Variants in HDAC4 observed in about 807,000 individuals in gnomAD.
HDAC4 encodes the protein histone deacetylase A.
In HDAC4, 16 loss-of-function variants were observed where a neutral mutation model predicts 135.1. That is an observed-to-expected ratio of 0.12 (90% CI 0.08 to 0.18). The LOEUF (loss-of-function observed/expected upper bound fraction) is 0.18, where lower values mean the gene tolerates loss of function less well. Ranked by LOEUF, HDAC4 falls within the 10% of genes least tolerant of loss-of-function variation. The pLI is 1.00. For missense variants in HDAC4, 1,143 were observed against 1,511.8 expected (o/e 0.76, Z 4.05); for synonymous variants, 685 against 653.4 (o/e 1.05, Z -0.74).
intron 2 of HDAC4, among the ~76,000 whole-genome samples, chr2:239,318,580 C>G (rs1310886606): frequency 1.3e-5 from 2 of 151,892 alleles, no homozygotes; most frequent in Non-Finnish European, 2.9e-5. Flanking sequence ...TCCAACTCTA[C>G]TCACTGACCG....
At position 239,303,116 on chromosome 2, in the gene HDAC4, C is replaced by T. The variant is rs2052367793; in HGVS notation, c.22+49562G>A. On this transcript the variant is annotated intron_variant, in intron 2 of 26. Transcript: ENST00000543185. This position sits in a 1 kb window ranked among gnomAD's most constrained non-coding sequence, Gnocchi z 5.1. ...CCAGCTCAGGGTTCAGGGTGGGCCC[C>T]TGGATTCAAAGTGGCAACAGAGCCT... 6.6e-6 allele frequency among the ~76,000 whole-genome samples: 1 copy of T among 152,202 alleles called. No individual in the cohort carries two copies.
At chr2:239,236,073 C>T (rs2047870280) in intron 3 of HDAC4, among the ~76,000 whole-genome samples, 1 of 152,174 alleles carries the variant, frequency 6.6e-6, no homozygotes, top group African/African-American at 2.4e-5. Flanking sequence ...CTAAAAATTA[C>T]CTATGGAATG....
At chr2:239,272,538 C>T (rs2050112944) in intron 2 of HDAC4, among the ~76,000 whole-genome samples, 1 of 152,164 alleles carries the variant, frequency 6.6e-6, no homozygotes. Context: ...GCACAATGGC[C>T]CATGAGCATG....
intron 1 of HDAC4, among the ~76,000 whole-genome samples, chr2:239,377,391 G>A (rs1316372992): frequency 2.0e-5 from 3 of 152,178 alleles, no homozygotes. Context: ...CAGCATGAGA[G>A]GCCTGCTCCA....
intron 16 of HDAC4, among the ~76,000 whole-genome samples, chr2:239,099,403 C>T (rs1285283633): frequency 1.3e-5 from 2 of 152,248 alleles, no homozygotes; most frequent in East Asian, 3.8e-4. Context: ...CTGCTGAAGC[C>T]CCTGCTGTGG....
intron 12 of HDAC4, among the ~76,000 whole-genome samples, chr2:239,125,106 C>T (rs192568782): frequency 2.7e-4 from 41 of 152,362 alleles, no homozygotes; most frequent in South Asian, 2.1e-4. Context: ...ACGGTTATTA[C>T]GACTGATACG....
chr2:239,195,766 C>T (rs921152392), intron 3 of HDAC4, among the ~76,000 whole-genome samples: 8 of 152,174 alleles, frequency 5.3e-5, no homozygotes, highest in Non-Finnish European at 1.0e-4. Context: ...CCTTGAGAAA[C>T]ATATTAAGAC....
At position 239,167,235 on chromosome 2, in the gene HDAC4, C is replaced by A. The variant is rs2043169782; in HGVS notation, c.491-3312G>T. Among the ~76,000 whole-genome samples, 1 of 152,186 alleles carries A rather than the reference C, an allele frequency of 6.6e-6. No homozygotes were observed. Among genetic ancestry groups the A allele is most frequent in the Non-Finnish European group, 1.5e-5 (1 of 68,028 alleles). The stretch of plus-strand genomic sequence containing the variant: ...CCCAGGGACAGCTGTTACTGTGGAT[C>A]CACTGGCCCTCCACGGGGGAGGGTG... On this transcript the variant is annotated intron_variant, in intron 5 of 26. Coordinates refer to ENST00000543185, the MANE Select transcript of HDAC4 (RefSeq NM_001378414.1). The surrounding 1 kb of genome is among the most constrained non-coding windows in gnomAD (Gnocchi z 4.1).
At chr2:239,179,101 G>A (rs1021765494) in intron 4 of HDAC4, among the ~76,000 whole-genome samples, 1 of 151,940 alleles carries the variant, frequency 6.6e-6, no homozygotes, top group Admixed American at 6.6e-5. Flanking sequence ...ATAGAGTGGG[G>A]AGTGCGTGCG....
rs779570669 is a variant in HDAC4, at chr2:239,240,316, G to T, written c.23-3652C>A. ...GCTGCGGTACACAGCCAGCTGGAACGCATGACGGCATCCGTGAATGTGCAC... is the reference window on the plus strand; with the variant it reads ...GCTGCGGTACACAGCCAGCTGGAACTCATGACGGCATCCGTGAATGTGCAC... On this transcript the variant is annotated intron_variant, in intron 2 of 26. Transcript: ENST00000543185. The surrounding 1 kb of genome is among the most constrained non-coding windows in gnomAD (Gnocchi z 4.5). Among the ~76,000 whole-genome samples the T allele has an allele frequency of 8.5e-5, 13 of 152,250 alleles. No homozygotes were observed. The highest frequency in any genetic ancestry group is 3.1e-4 in the African/African-American group (13 of 41,460).
chr2:239,177,542 C>G (rs139996721), intron 4 of HDAC4, among the ~76,000 whole-genome samples: 2 of 152,222 alleles, frequency 1.3e-5, no homozygotes, highest in African/African-American at 4.8e-5. Flanking sequence ...AGTGTCCGAC[C>G]TGTTGACTGT....
At position 239,048,592 on chromosome 2, in the gene HDAC4, G is replaced by GATAGATAGATAT. The variant is rs2030329298; in HGVS notation, c.*4504_*4505insATATCTATCTAT. ...AGATAGATAGATAGATAGATAGATA[G>GATAGATAGATAT]ATTATATATGTTTGTCATTCTCATC... On this transcript the variant is annotated 3_prime_UTR_variant, in exon 27 of 27. Transcript: ENST00000543185. 6.6e-6 allele frequency: 1 copy of GATAGATAGATAT among 151,526 alleles called. No homozygotes were observed. Among genetic ancestry groups the GATAGATAGATAT allele is most frequent in the East Asian group, 1.9e-4 (1 of 5,158 alleles). 9.4% of individuals were successfully genotyped at this position (151,526 alleles called of 1,614,324 possible).
chr2:239,128,464 G>GT (rs1218295222), intron 11 of HDAC4, among the ~76,000 whole-genome samples: 1 of 151,436 alleles, frequency 6.6e-6, no homozygotes, highest in Non-Finnish European at 1.5e-5. Flanking sequence ...GGGAGGCAAG[G>GT]TTGCAGTGAG....
intron 3 of HDAC4, among the ~76,000 whole-genome samples, chr2:239,208,279 A>G (rs1394607495): frequency 2.1e-5 from 3 of 141,650 alleles, no homozygotes; most frequent in African/African-American, 7.9e-5. Context: ...GTGAGCCGAG[A>G]TCGCGCCACT....
At chr2:239,145,159 C>A (rs2041669091) in intron 7 of HDAC4, among the ~76,000 whole-genome samples, 1 of 152,190 alleles carries the variant, frequency 6.6e-6, no homozygotes, top group Non-Finnish European at 1.5e-5. Flanking sequence ...CAGAGAAAGA[C>A]TGACAGGGAT....
chr2:239,221,236 G>A (rs1167284938), intron 3 of HDAC4, among the ~76,000 whole-genome samples: 3 of 152,136 alleles, frequency 2.0e-5, no homozygotes, highest in Admixed American at 6.5e-5. Flanking sequence ...ACATCGGCCC[G>A]TTCTCTGACA....
Position 239,265,037 on chromosome 2 carries a change from G to A in HDAC4, c.23-28373C>T, listed in dbSNP as rs1213832506. ...AATGCGGGCTGAAGTGGACAGGGGT[G>A]CAGAGCCTGACAGGGGCTGGAGAGT... On this transcript the variant is annotated intron_variant, in intron 2 of 26. Coordinates refer to ENST00000543185, the MANE Select transcript of HDAC4 (RefSeq NM_001378414.1). Among the ~76,000 whole-genome samples the A allele has an allele frequency of 2.0e-5, 3 of 152,302 alleles. No homozygotes were observed. The East Asian group carries it at 5.8e-4, about 30-fold the overall frequency.
intron 4 of HDAC4, among the ~76,000 whole-genome samples, chr2:239,187,766 C>A (rs572141912): frequency 6.6e-6 from 1 of 152,308 alleles, no homozygotes; most frequent in East Asian, 1.9e-4. Flanking sequence ...AACTGCCCCA[C>A]CCTAAACTCG....
chr2:239,256,515 A>G (rs933585125), intron 2 of HDAC4, among the ~76,000 whole-genome samples: 4 of 152,224 alleles, frequency 2.6e-5, no homozygotes, highest in Non-Finnish European at 4.4e-5. Context: ...CCAGGACTTC[A>G]CCCCAGCAGC....
Sources: gnomAD v4.1 joint callset for allele counts (sites outside exome capture counted in the v4.1 genomes callset) on GRCh38, gnomAD v4.1.1 for gene constraint, Gnocchi (gnomAD v3.1) non-coding constraint, MANE v1.5 for transcripts, NCBI Gene and HGNC (gene_info 2026-07-23, HGNC 2026-07-21) for gene names.